Variants in KCNQ1 observed in about 807,000 individuals in gnomAD.
The protein encoded by KCNQ1 is potassium voltage-gated channel subfamily KQT member 1.
Under a neutral mutation model 72.4 loss-of-function variants are expected in KCNQ1, and 49 were observed. The observed-to-expected ratio is 0.68, with a 90% CI of 0.54 to 0.86. The LOEUF (loss-of-function observed/expected upper bound fraction) is 0.86, where lower values mean the gene tolerates loss of function less well. Ranked by LOEUF, KCNQ1 falls within the 40% of genes least tolerant of loss-of-function variation. KCNQ1 has a pLI of 0.00. For missense variants in KCNQ1, 790 were observed against 945.1 expected, an observed-to-expected ratio of 0.84 and a Z score of 2.15; for synonymous variants, 450 against 412.6, an observed-to-expected ratio of 1.09 and a Z score of -1.10.
At chr11:2,665,262 C>T in intron 11 of KCNQ1, 1 of 398,552 alleles carries the variant, frequency 2.5e-6, no homozygotes, top group Admixed American at 4.4e-5. Context: ...GCCTCAAACT[C>T]CCTGAGCCTG....
chr11:2,662,994 C>A (rs1406191931), intron 11 of KCNQ1: 1 of 398,594 alleles, frequency 2.5e-6, no homozygotes, highest in East Asian at 3.6e-5. Context: ...CAAGGCCTGG[C>A]CTTGCAAATC....
rs575917632 is a variant in KCNQ1, at chr11:2,538,812, G to A, written c.477+10794G>A. On this transcript the variant is annotated intron_variant, in intron 2 of 15. Coordinates refer to ENST00000155840, the MANE Select transcript of KCNQ1 (RefSeq NM_000218.3). This position sits in a 1 kb window ranked among gnomAD's most constrained non-coding sequence, Gnocchi z 6.7. ...ATCAAGTTTGTTCAGAACAAGATGG[G>A]GTGGGGTGGGGGGCAGTGAGGGGCC... Among the ~76,000 whole-genome samples the A allele has an allele frequency of 8.7e-4, 133 of 152,104 alleles. No homozygotes were observed. The highest frequency in any genetic ancestry group is 1.3e-3 in the Non-Finnish European group (91 of 67,998).
chr11:2,694,451 A>ACAGC (rs1474680437), intron 11 of KCNQ1: 1 of 398,528 alleles, frequency 2.5e-6, no homozygotes, highest in African/African-American at 2.1e-5. Flanking sequence ...AATATAAATG[A>ACAGC]CAGCCCCTCA....
At chr11:2,448,648 G>A (rs1273728532) in intron 1 of KCNQ1, among the ~76,000 whole-genome samples, 8 of 152,238 alleles carry the variant, frequency 5.3e-5, no homozygotes, top group Non-Finnish European at 1.2e-4. Flanking sequence ...GGCTCTCTGA[G>A]CCATCAGGTC....
rs1357483952 is a variant in KCNQ1, at chr11:2,600,624, A to G, written c.1393+11770A>G. 6.6e-6 allele frequency among the ~76,000 whole-genome samples: 1 copy of G among 152,196 alleles called. No individual in the cohort carries two copies. Among genetic ancestry groups the G allele is most frequent in the Admixed American group, 6.5e-5 (1 of 15,290 alleles). On this transcript the variant is annotated intron_variant, in intron 10 of 15. Transcript: ENST00000155840. The surrounding 1 kb of genome is among the most constrained non-coding windows in gnomAD (Gnocchi z 5.6). ...TATTGACTTCTGCAATTAAACATCA[A>G]TATAATACTTGGACCTAATTTAATG...
chr11:2,672,712 T>C (rs1342475259), intron 11 of KCNQ1: 6 of 398,684 alleles, frequency 1.5e-5, no homozygotes, highest in Non-Finnish European at 2.2e-5. Flanking sequence ...CAAGGCCAGA[T>C]GTCAGGTTCC....
rs1846470388 is a variant in KCNQ1, at chr11:2,471,782, T to TA, written c.386+26298_386+26299insA. Among the ~76,000 whole-genome samples, 1 of 147,112 alleles carries TA rather than the reference T, an allele frequency of 6.8e-6. No individual in the cohort carries two copies. The highest frequency in any genetic ancestry group is 1.5e-5 in the Non-Finnish European group (1 of 66,938). ...CTTGTGTATGGGTGTGTGCATGTGA[T>TA]TGGGTGTGTGCATGTGTATATAGGT... is the stretch of plus-strand genomic sequence containing the variant. On this transcript the variant is annotated intron_variant, in intron 1 of 15. Coordinates refer to ENST00000155840, the MANE Select transcript of KCNQ1 (RefSeq NM_000218.3). The surrounding 1 kb of genome is among the most constrained non-coding windows in gnomAD (Gnocchi z 4.8).
Position 2,815,391 on chromosome 11 carries a change from G to A in KCNQ1, c.1795-32376G>A, listed in dbSNP as rs1847593837. Among the ~76,000 whole-genome samples, 4 of 152,124 alleles carry A rather than the reference G, an allele frequency of 2.6e-5. No individual in the cohort carries two copies. In the South Asian group the frequency reaches 8.3e-4, roughly 32 times the overall value. On this transcript the variant is annotated intron_variant, in intron 15 of 15. Coordinates refer to ENST00000155840, the MANE Select transcript of KCNQ1 (RefSeq NM_000218.3). This position sits in a 1 kb window ranked among gnomAD's most constrained non-coding sequence, Gnocchi z 5.4. ...GCTCATGGGCACCTCTGGGTTCTAA[G>A]AAGCTATGCTGAGGCCCACAGGGTA...
chr11:2,635,559 G>T (rs1431456619), intron 10 of KCNQ1: 1 of 152,178 alleles, frequency 6.6e-6, no homozygotes, highest in Non-Finnish European at 1.5e-5. Context: ...TTTGGTACCA[G>T]TACCATGCTG....
Position 2,475,233 on chromosome 11 carries a change from G to A in KCNQ1, c.386+29749G>A, listed in dbSNP as rs1475255930. Among the ~76,000 whole-genome samples, 1 of 152,082 alleles carries A rather than the reference G, an allele frequency of 6.6e-6. No individual in the cohort carries two copies. The highest frequency in any genetic ancestry group is 2.4e-5 in the African/African-American group (1 of 41,414). On this transcript the variant is annotated intron_variant, in intron 1 of 15. Transcript: ENST00000155840. The surrounding 1 kb of genome is among the most constrained non-coding windows in gnomAD (Gnocchi z 5.8). ...GGATGTTTCATGTGCCTGAAATCAT[G>A]GCAAACGTGGCCCTGTGTGTCTGGT...
chr11:2,462,115 C>G lies in KCNQ1; in HGVS notation c.386+16631C>G, dbSNP rs755008347. 1.1e-5 allele frequency: 3 copies of G among 281,710 alleles called. No individual in the cohort carries two copies. Among genetic ancestry groups the G allele is most frequent in the African/African-American group, 2.2e-5 (1 of 45,702 alleles). 17.5% of individuals were successfully genotyped at this position (281,710 alleles called of 1,614,324 possible). On this transcript the variant is annotated intron_variant, in intron 1 of 15. Coordinates refer to ENST00000155840, the MANE Select transcript of KCNQ1 (RefSeq NM_000218.3). This position sits in a 1 kb window ranked among gnomAD's most constrained non-coding sequence, Gnocchi z 8.2. ...GGATTCACAAGAATCCTTCCCTGGG[C>G]TGAGGGGGCGTTGCTGTGGGTGTAT...
rs1849947901 is a variant in KCNQ1, at chr11:2,661,066, TCA to T, written c.1394-892_1394-891del. 12 of 397,514 alleles carry T rather than the reference TCA, an allele frequency of 3.0e-5. 1 individual carries two copies. The East Asian group carries it at 3.9e-4, about 13-fold the overall frequency. 24.6% of individuals were successfully genotyped at this position (397,514 alleles called of 1,614,324 possible). ...ATGTTACAGAGTGACAGGAACAGAG[TCA>T]CAGTGACATCCCATGTGCATAAAAG... On this transcript the variant is annotated intron_variant, in intron 10 of 15. Transcript: ENST00000155840. This position sits in a 1 kb window ranked among gnomAD's most constrained non-coding sequence, Gnocchi z 5.9.
Position 2,482,835 on chromosome 11 carries a change from CTG to C in KCNQ1, c.386+37353_386+37354del, listed in dbSNP as rs1447725465. Among the ~76,000 whole-genome samples the C allele has an allele frequency of 6.6e-5, 10 of 151,502 alleles. No homozygotes were observed. Among genetic ancestry groups the C allele is most frequent in the Non-Finnish European group, 1.3e-4 (9 of 68,038 alleles). On this transcript the variant is annotated intron_variant, in intron 1 of 15. Coordinates refer to ENST00000155840, the MANE Select transcript of KCNQ1 (RefSeq NM_000218.3). The surrounding 1 kb of genome is among the most constrained non-coding windows in gnomAD (Gnocchi z 5.7). The stretch of plus-strand genomic sequence containing the variant: ...CCCTGGTGCACCTGCAGCAGCAAGA[CTG>C]TCATCTAGGTTGTTGGGGAAACCAG...
chr11:2,735,976 A>G lies in KCNQ1; in HGVS notation c.1515-32868A>G, dbSNP rs1845949220. ...TGAGAGGACCCCACGCCCTTCCTCCAGTGTGTCTGGAGCCCCTTCCCTGTG... is the reference window on the plus strand; with the variant it reads ...TGAGAGGACCCCACGCCCTTCCTCCGGTGTGTCTGGAGCCCCTTCCCTGTG... On this transcript the variant is annotated intron_variant, in intron 11 of 15. Transcript: ENST00000155840. The surrounding 1 kb of genome is among the most constrained non-coding windows in gnomAD (Gnocchi z 7.7). 6.6e-6 allele frequency among the ~76,000 whole-genome samples: 1 copy of G among 152,170 alleles called. No homozygotes were observed. The highest frequency in any genetic ancestry group is 1.5e-5 in the Non-Finnish European group (1 of 68,012).
Position 2,544,292 on chromosome 11 carries a change from ATGTATATATG to A in KCNQ1, c.477+16286_477+16295del, listed in dbSNP as rs1847870853. ...TGTGTATATATATGTGTATATATAT[ATGTATATATG>A]TGTATATATGTATATATCTATGTAT... On this transcript the variant is annotated intron_variant, in intron 2 of 15. Transcript: ENST00000155840. The surrounding 1 kb of genome is among the most constrained non-coding windows in gnomAD (Gnocchi z 4.4). Among the ~76,000 whole-genome samples the A allele has an allele frequency of 7.3e-6, 1 of 137,774 alleles. No homozygotes were observed. The highest frequency in any genetic ancestry group is 1.5e-5 in the Non-Finnish European group (1 of 66,778). The allele number at this position is 137,774 out of a possible 152,430, so 90.4% of individuals were successfully genotyped here.
chr11:2,648,339 A>T (rs1249771729), intron 10 of KCNQ1: 1 of 398,280 alleles, frequency 2.5e-6, no homozygotes, highest in African/African-American at 2.1e-5. Context: ...TTGCTTTTCT[A>T]GTTCCTTGAG....
Position 2,556,221 on chromosome 11 carries a change from A to G in KCNQ1, c.478-14407A>G, listed in dbSNP as rs76500543. On this transcript the variant is annotated intron_variant, in intron 2 of 15. Transcript: ENST00000155840. ...CCCGTTTGATAAGAACACCAGTTGTATGGGAATAGGGGCCCACCCTAACCA... is the reference window on the plus strand; with the variant it reads ...CCCGTTTGATAAGAACACCAGTTGTGTGGGAATAGGGGCCCACCCTAACCA... Among the ~76,000 whole-genome samples, 34 of 152,302 alleles carry G rather than the reference A, an allele frequency of 2.2e-4. No individual in the cohort carries two copies. In the South Asian group the frequency reaches 2.5e-3, roughly 11 times the overall value.
chr11:2,621,235 C>T lies in KCNQ1; in HGVS notation c.1393+32381C>T, dbSNP rs1849167028. ...CCAGATGATCCACGCACCTCAGCCTCCCAAAGTGCTAGGACTACAGGCATG... is the reference window on the plus strand; with the variant it reads ...CCAGATGATCCACGCACCTCAGCCTTCCAAAGTGCTAGGACTACAGGCATG... On this transcript the variant is annotated intron_variant, in intron 10 of 15. Coordinates refer to ENST00000155840, the MANE Select transcript of KCNQ1 (RefSeq NM_000218.3). The surrounding 1 kb of genome is among the most constrained non-coding windows in gnomAD (Gnocchi z 5.7). 2.5e-6 allele frequency: 1 copy of T among 398,094 alleles called. No individual in the cohort carries two copies. Among genetic ancestry groups the T allele is most frequent in the Non-Finnish European group, 4.4e-6 (1 of 226,070 alleles). The allele number at this position is 398,094 out of a possible 1,614,324, so 24.7% of individuals were successfully genotyped here. A position where few individuals can be genotyped will look rare whatever the true frequency, so the allele number is the denominator to read the frequency against.
intron 2 of KCNQ1, among the ~76,000 whole-genome samples, chr11:2,528,906 A>G (rs1310677399): frequency 1.3e-5 from 2 of 152,064 alleles, no homozygotes. Flanking sequence ...TATCCGTCTC[A>G]TTTCTAGGGA....
Sources: gnomAD v4.1 joint callset for allele counts (sites outside exome capture counted in the v4.1 genomes callset) on GRCh38, gnomAD v4.1.1 for gene constraint, Gnocchi (gnomAD v3.1) non-coding constraint, MANE v1.5 for transcripts, NCBI Gene and HGNC (gene_info 2026-07-23, HGNC 2026-07-21) for gene names.